Variants in FLRT2 observed in about 807,000 individuals in gnomAD.
FLRT2 encodes fibronectin leucine rich transmembrane protein 2, also known as leucine-rich repeat transmembrane protein FLRT2.
Under a neutral mutation model 40.0 loss-of-function variants are expected in FLRT2, and 15 were observed. The observed-to-expected ratio is 0.38, with a 90% confidence interval of 0.25 to 0.58. FLRT2 has a LOEUF of 0.58. Among genes scored for constraint, FLRT2 ranks in the 20% least tolerant of loss-of-function variants. The pLI, the probability that FLRT2 is intolerant of heterozygous loss-of-function variation, is 0.71. For missense variants in FLRT2, 726 were observed against 840.0 expected (o/e 0.86, Z 1.68); for synonymous variants, 380 against 336.8 (o/e 1.13, Z -1.41).
At chr14:85,547,665 A>AT (rs975474539) in intron 1 of FLRT2, among the ~76,000 whole-genome samples, 1 of 151,946 alleles carries the variant, frequency 6.6e-6, no homozygotes, top group African/African-American at 2.4e-5. Context: ...TAGGGTATGA[A>AT]CCCCACAAGT....
rs915325931 is a variant in FLRT2, at chr14:85,648,844, A to G, written c.*25347A>G. 6.6e-6 allele frequency: 1 copy of G among 152,172 alleles called. No homozygotes were observed. Among genetic ancestry groups the G allele is most frequent in the African/African-American group, 2.4e-5 (1 of 41,454 alleles). 9.4% of individuals were successfully genotyped at this position (152,172 alleles called of 1,614,324 possible). The stretch of plus-strand genomic sequence containing the variant: ...TTAAGTTATAAGATCCAGGAATTTA[A>G]TAATTTATTTTGATAAGGACTTAAC... On this transcript the variant is annotated 3_prime_UTR_variant, in exon 2 of 2. Transcript: ENST00000330753.
At position 85,622,430 on chromosome 14, in the gene FLRT2, A is replaced by T; in HGVS notation, c.916A>T (p.Thr306Ser). The change falls in exon 2 of 2, where the codon ACT becomes TCT. Residue 306 changes from threonine to serine, a missense_variant. Thr to Ser is a moderately conservative substitution (Grantham distance 58). Around this residue, in one of 3 missense-constraint regions of FLRT2, gnomAD observed 611 missense variants for 690.0 expected, o/e 0.89. Coordinates refer to ENST00000330753, the MANE Select transcript of FLRT2 (RefSeq NM_013231.6). ...TAATCTCTCCAACCTGAAGCAGCTC[A>T]CTGCTCGGAATAACCCTTGGTTTTG... ...FDNLSNLKQL[T>S]ARNNPWFCDC... 1 of 1,614,184 alleles carries T rather than the reference A, an allele frequency of 6.2e-7. No homozygotes were observed. The highest frequency in any genetic ancestry group is 8.5e-7 in the Non-Finnish European group (1 of 1,180,030).
At position 85,622,931 on chromosome 14, in the gene FLRT2, G is replaced by A. The variant is rs141004276; in HGVS notation, c.1417G>A (p.Gly473Ser). Reference sequence around the variant, plus strand: ...CATCGTTCAGGAGCGCATAGTCAGCGGTGAGAAGCAACACCTGAGCCTGGT... The same window carrying A: ...CATCGTTCAGGAGCGCATAGTCAGCAGTGAGAAGCAACACCTGAGCCTGGT... ...GGIVQERIVS[G>S]EKQHLSLVNL... The change falls in exon 2 of 2, where the codon GGT (glycine) becomes AGT (serine). Residue 473 changes from glycine to serine, a missense_variant. Transcript: ENST00000330753. 166 of 1,614,068 alleles carry A rather than the reference G, an allele frequency of 1.0e-4. No homozygotes were observed. Among genetic ancestry groups the A allele is most frequent in the South Asian group, 3.3e-4 (30 of 91,086 alleles).
At chr14:85,618,813 GT>G (rs1266994771) in intron 1 of FLRT2, among the ~76,000 whole-genome samples, 1 of 152,052 alleles carries the variant, frequency 6.6e-6, no homozygotes, top group African/African-American at 2.4e-5. Context: ...TGGGCCTGAG[GT>G]TTAGCTTTTC....
chr14:85,604,819 CT>C (rs1829457932), intron 1 of FLRT2, among the ~76,000 whole-genome samples: 1 of 152,128 alleles, frequency 6.6e-6, no homozygotes, highest in Non-Finnish European at 1.5e-5. Flanking sequence ...AGAAATTAGT[CT>C]TTCCTGCTGT....
chr14:85,543,515 G>C (rs1889098228), intron 1 of FLRT2, among the ~76,000 whole-genome samples: 2 of 143,674 alleles, frequency 1.4e-5, no homozygotes, highest in Admixed American at 7.0e-5. Context: ...GGTGTCCCCA[G>C]AATTAATTTT....
chr14:85,582,347 A>G (rs1023794640), intron 1 of FLRT2, among the ~76,000 whole-genome samples: 62 of 152,200 alleles, frequency 4.1e-4, no homozygotes, highest in African/African-American at 1.5e-3. Flanking sequence ...TGGAGACCCT[A>G]AGGAAGAGGT....
In FLRT2 at chr14:85,622,656, C is replaced by T. The variant is rs1192277368; in HGVS notation, c.1142C>T (p.Thr381Ile). 1.9e-6 allele frequency: 3 copies of T among 1,613,864 alleles called. No individual in the cohort carries two copies. The Admixed American group carries it at 5.0e-5, about 27-fold the overall frequency. The part of the protein sequence containing the change: ...TPAPSTASPT[T>I]QPPTLSIPNP... ...GCCCCAAGTACAGCTTCTCCGACCA[C>T]TCAGCCTCCCACCCTCTCTATTCCA... Residue 381 changes from threonine (T) to isoleucine (I), a missense_variant, in exon 2 of 2, where the codon ACT becomes ATT. Around this residue, in one of 3 missense-constraint regions of FLRT2, gnomAD observed 611 missense variants for 690.0 expected, o/e 0.89. Coordinates refer to ENST00000330753, the MANE Select transcript of FLRT2 (RefSeq NM_013231.6).
rs1893604500 is a variant in FLRT2, at chr14:85,624,843, T to C, written c.*1346T>C. ...CATCAAAGCTGGCCAAAATAATGAA[T>C]TTTTTTTAAAAAGCAATACCTGGTT... is the stretch of plus-strand genomic sequence containing the variant. On this transcript the variant is annotated 3_prime_UTR_variant, in exon 2 of 2. Transcript: ENST00000330753. The C allele has an allele frequency of 6.0e-6, 1 of 166,926 alleles. No homozygotes were observed. Among genetic ancestry groups the C allele is most frequent in the Non-Finnish European group, 1.5e-5 (1 of 68,098 alleles). 10.3% of individuals were successfully genotyped at this position (166,926 alleles called of 1,614,324 possible).
At chr14:85,578,745 G>A (rs978150802) in intron 1 of FLRT2, among the ~76,000 whole-genome samples, 1 of 152,144 alleles carries the variant, frequency 6.6e-6, no homozygotes, top group Non-Finnish European at 1.5e-5. Flanking sequence ...CACCAAAGGA[G>A]TATTGCTTCA....
chr14:85,592,802 A>AAAG (rs1555369079), intron 1 of FLRT2, among the ~76,000 whole-genome samples: 1,851 of 99,968 alleles, frequency 0.019, 56 homozygotes, highest in African/African-American at 0.063. Context: ...AAAAAAAAAA[A>AAAG]AAAAAGAAAA....
chr14:85,538,122 T>C (rs997407629), intron 1 of FLRT2, among the ~76,000 whole-genome samples: 1 of 152,150 alleles, frequency 6.6e-6, no homozygotes, highest in African/African-American at 2.4e-5. Flanking sequence ...TTTATTTATT[T>C]TTCAAATACC....
chr14:85,643,357 TCCTTCC>T lies in FLRT2; in HGVS notation c.*19861_*19866del, dbSNP rs1894210532. ...TTTCTTTCTTTCTTTCTTTCTTTCT[TCCTTCC>T]TTCCTTCCTTCCTTTCTTTCCTTTC... is the stretch of plus-strand genomic sequence containing the variant. On this transcript the variant is annotated 3_prime_UTR_variant, in exon 2 of 2. Transcript: ENST00000330753. 2.7e-4 allele frequency: 34 copies of T among 126,304 alleles called. No homozygotes were observed. The highest frequency in any genetic ancestry group is 5.8e-4 in the South Asian group (2 of 3,468). The allele number at this position is 126,304 out of a possible 1,614,324, so 7.8% of individuals were successfully genotyped here.
rs1235321299 is a variant in FLRT2, at chr14:85,622,391, C to G, written c.877C>G (p.Gln293Glu). Residue 293 changes from glutamine to glutamate, a missense_variant, in exon 2 of 2, where the codon CAA becomes GAA. Physicochemically the swap from Gln to Glu is conservative, Grantham distance 29. Transcript: ENST00000330753. ...ISNNQLRMLT[Q>E]GVFDNLSNLK... Reference sequence around the variant, plus strand: ...CAACAACCAACTGCGGATGCTGACTCAAGGGGTTTTTGATAATCTCTCCAA... The same window carrying G: ...CAACAACCAACTGCGGATGCTGACTGAAGGGGTTTTTGATAATCTCTCCAA... The G allele has an allele frequency of 2.3e-5, 37 of 1,613,982 alleles. No individual in the cohort carries two copies. The highest frequency in any genetic ancestry group is 3.1e-5 in the Non-Finnish European group (37 of 1,180,024).
At chr14:85,564,659 C>A (rs1413130534) in intron 1 of FLRT2, among the ~76,000 whole-genome samples, 3 of 152,220 alleles carry the variant, frequency 2.0e-5, no homozygotes, top group African/African-American at 7.2e-5. Flanking sequence ...ACACCGTTTT[C>A]TGTGTCTTTT....
rs368117076 is a variant in FLRT2, at chr14:85,568,211, T to C, written c.-377+37677T>C. 7.4e-4 allele frequency among the ~76,000 whole-genome samples: 110 copies of C among 148,880 alleles called. 2 individuals are homozygous for C. In the Middle Eastern group the frequency reaches 0.01, roughly 14 times the overall value. On this transcript the variant is annotated intron_variant, in intron 1 of 1. Coordinates refer to ENST00000330753, the MANE Select transcript of FLRT2 (RefSeq NM_013231.6). ...CTTTGTTCATGGGACCTTGCTGATC[T>C]GCGGGGGGATGATTGCTGGGGGAAG...
intron 1 of FLRT2, among the ~76,000 whole-genome samples, chr14:85,533,621 G>C (rs889514639): frequency 2.6e-5 from 4 of 152,206 alleles, no homozygotes; most frequent in African/African-American, 9.6e-5. Context: ...GGGGGAGGCG[G>C]AGGAGGAGAG....
At chr14:85,582,063 G>A (rs1891411189) in intron 1 of FLRT2, among the ~76,000 whole-genome samples, 1 of 152,150 alleles carries the variant, frequency 6.6e-6, no homozygotes, top group South Asian at 2.1e-4. Context: ...AATGGGAGGT[G>A]CTTACATAAT....
chr14:85,587,303 A>AAAAAAAAAG (rs1555368490), intron 1 of FLRT2, among the ~76,000 whole-genome samples: 5 of 147,584 alleles, frequency 3.4e-5, no homozygotes, highest in Non-Finnish European at 6.0e-5. Flanking sequence ...AAAAAAAAAA[A>AAAAAAAAAG]AAGAAGAAAG....
Sources: allele counts gnomAD v4.1 joint callset (sites outside exome capture counted in the v4.1 genomes callset), GRCh38; gene constraint gnomAD v4.1.1; regional missense constraint gnomAD v4.1.1; transcripts MANE v1.5; gene names NCBI Gene and HGNC (gene_info 2026-07-23, HGNC 2026-07-21).